The following EHBP1 variants were observed in gnomAD, a reference collection of about 807,000 sequenced individuals.
The protein encoded by EHBP1 is EH domain-binding protein 1.
In EHBP1, 55 loss-of-function variants were observed where a neutral mutation model predicts 144.0. The observed-to-expected ratio is 0.38, with a 90% CI of 0.31 to 0.48. EHBP1 has a LOEUF of 0.48. Among genes scored for constraint, EHBP1 ranks in the 20% least tolerant of loss-of-function variants. The pLI is 0.98. For missense variants in EHBP1, 1,200 were observed against 1,364.2 expected (o/e 0.88, Z 1.90); for synonymous variants, 469 against 472.7 (o/e 0.99, Z 0.10).
chr2:62,751,236 G>T (rs1234946286), intron 3 of EHBP1, among the ~76,000 whole-genome samples: 1 of 152,162 alleles, frequency 6.6e-6, no homozygotes, highest in African/African-American at 2.4e-5. Flanking sequence ...CATCTATTGA[G>T]ATAATCATGT....
intron 5 of EHBP1, among the ~76,000 whole-genome samples, chr2:62,777,354 G>A (rs569365886): frequency 3.9e-5 from 6 of 152,062 alleles, no homozygotes; most frequent in African/African-American, 1.2e-4. Context: ...ATTGATGAAA[G>A]GCACCAATCA....
At chr2:62,720,242 C>T (rs2036095630) in intron 2 of EHBP1, among the ~76,000 whole-genome samples, 2 of 152,222 alleles carry the variant, frequency 1.3e-5, no homozygotes, top group South Asian at 2.1e-4. Flanking sequence ...GCCTTGTAAA[C>T]CCAGAAAGTT....
intron 3 of EHBP1, among the ~76,000 whole-genome samples, chr2:62,752,566 G>A (rs2039852033): frequency 6.6e-6 from 1 of 152,148 alleles, no homozygotes; most frequent in Non-Finnish European, 1.5e-5. Flanking sequence ...TCTGTCTAAT[G>A]TTGACAGTGG....
chr2:62,693,796 G>C (rs2033990303), intron 1 of EHBP1, among the ~76,000 whole-genome samples: 1 of 152,028 alleles, frequency 6.6e-6, no homozygotes, highest in African/African-American at 2.4e-5. Flanking sequence ...CCAACCTTGG[G>C]CTACTACCAT....
chr2:62,688,485 C>T (rs2033792735), intron 1 of EHBP1, among the ~76,000 whole-genome samples: 1 of 152,042 alleles, frequency 6.6e-6, no homozygotes, highest in Admixed American at 6.5e-5. Flanking sequence ...GTATTGGGAA[C>T]ATTCAATATC....
intron 1 of EHBP1, among the ~76,000 whole-genome samples, chr2:62,683,838 G>C (rs1442624562): frequency 1.3e-5 from 2 of 152,110 alleles, no homozygotes; most frequent in Non-Finnish European, 2.9e-5. Context: ...GGAACTGCTA[G>C]AGCCCACAGA....
chr2:62,746,703 A>T (rs1392269693), intron 2 of EHBP1, among the ~76,000 whole-genome samples: 2 of 152,100 alleles, frequency 1.3e-5, no homozygotes, highest in South Asian at 2.1e-4. Context: ...CTTTTGCACG[A>T]ACCTAATTTT....
At chr2:62,699,744 T>A (rs2034218961) in intron 1 of EHBP1, among the ~76,000 whole-genome samples, 1 of 152,252 alleles carries the variant, frequency 6.6e-6, no homozygotes, top group African/African-American at 2.4e-5. Context: ...CATTGTTGCC[T>A]GCAATATAAA....
chr2:62,778,363 G>A lies in EHBP1; in HGVS notation c.312+6971G>A, dbSNP rs150922104. ...AGACCACCATGGGCAATATAATATA[G>A]TGAGACCTTTTCTCTACAAAATGTC... On this transcript the variant is annotated intron_variant, in intron 5 of 22. Transcript: ENST00000431489. Among the ~76,000 whole-genome samples, 417 of 152,108 alleles carry A rather than the reference G, an allele frequency of 2.7e-3. 1 individual carries two copies. The highest frequency in any genetic ancestry group is 9.8e-3 in the South Asian group (47 of 4,814).
chr2:62,707,465 A>G (rs750926522), intron 2 of EHBP1, among the ~76,000 whole-genome samples, 170 bp downstream of exon 2: 12 of 152,206 alleles, frequency 7.9e-5, no homozygotes, highest in Admixed American at 1.3e-4. Flanking sequence ...TGTTGCTGCT[A>G]GTACCATCCC....
At chr2:63,013,233 T>G (rs1176833460) in intron 19 of EHBP1, among the ~76,000 whole-genome samples, 1 of 152,210 alleles carries the variant, frequency 6.6e-6, no homozygotes, top group African/African-American at 2.4e-5. Context: ...AATGTTTTAA[T>G]GTTATATTCT....
At chr2:63,005,702 T>C (rs554535175) in intron 19 of EHBP1, among the ~76,000 whole-genome samples, 1 of 152,198 alleles carries the variant, frequency 6.6e-6, no homozygotes, top group East Asian at 1.9e-4. Flanking sequence ...TGTAGTTCTT[T>C]GCTATTTGAC....
At chr2:62,836,365 A>G (rs1304944251) in intron 7 of EHBP1, among the ~76,000 whole-genome samples, 4 of 141,464 alleles carry the variant, frequency 2.8e-5, no homozygotes, top group Non-Finnish European at 6.2e-5. Flanking sequence ...CAAAGACCAA[A>G]AGTAGATAAA....
intron 10 of EHBP1, among the ~76,000 whole-genome samples, chr2:62,917,617 C>G (rs896300495): frequency 3.3e-5 from 5 of 152,248 alleles, no homozygotes; most frequent in African/African-American, 1.2e-4. Context: ...CATAACTTCT[C>G]CCTCATGGCA....
chr2:62,887,988 T>C (rs7567006), intron 10 of EHBP1, among the ~76,000 whole-genome samples: 1,994 of 152,316 alleles, frequency 0.013, 52 homozygotes, highest in African/African-American at 0.046. Flanking sequence ...CATTCCTTTT[T>C]TCCCTCCTAT....
intron 15 of EHBP1, among the ~76,000 whole-genome samples, chr2:62,988,769 A>G (rs963915534): frequency 2.0e-5 from 3 of 152,126 alleles, no homozygotes; most frequent in Non-Finnish European, 2.9e-5. Context: ...TTCTTATGGC[A>G]ATAAAAAGTC....
At chr2:62,861,355 C>G (rs1407863212) in intron 8 of EHBP1, among the ~76,000 whole-genome samples, 3 of 151,414 alleles carry the variant, frequency 2.0e-5, no homozygotes, top group Admixed American at 2.0e-4. Context: ...GTCTCGATTT[C>G]CTGACCTTGT....
At chr2:62,737,496 TG>T (rs1456762258) in intron 2 of EHBP1, among the ~76,000 whole-genome samples, 7 of 152,238 alleles carry the variant, frequency 4.6e-5, no homozygotes, top group Non-Finnish European at 1.0e-4. Flanking sequence ...TGGTAAGTTG[TG>T]ATTCTTTGTA....
At chr2:62,953,074 C>A (rs2057472987) in intron 13 of EHBP1, among the ~76,000 whole-genome samples, 2 of 151,710 alleles carry the variant, frequency 1.3e-5, no homozygotes, top group African/African-American at 2.4e-5. Flanking sequence ...TGAAATTAGC[C>A]AGGGTGGTGG....
Sources: allele counts gnomAD v4.1 joint callset (sites outside exome capture counted in the v4.1 genomes callset), GRCh38; gene constraint gnomAD v4.1.1; transcripts MANE v1.5; gene names NCBI Gene and HGNC (gene_info 2026-07-23, HGNC 2026-07-21).